KCNMA1: variants seen among roughly 807,000 people sequenced by gnomAD.
KCNMA1 encodes potassium calcium-activated channel subfamily M alpha 1, also known as Calcium-activated potassium channel subunit alpha-1.
Under a neutral mutation model 140.0 loss-of-function variants are expected in KCNMA1, and 29 were observed. That is an observed-to-expected ratio of 0.21 (90% CI 0.15 to 0.28). The LOEUF (loss-of-function observed/expected upper bound fraction) is 0.28. Among genes scored for constraint, KCNMA1 ranks in the 10% least tolerant of loss-of-function variants. KCNMA1 has a pLI of 1.00. For synonymous variants in KCNMA1, 612 were observed against 611.9 expected, an observed-to-expected ratio of 1.00 and a Z score of 0.00; for missense variants, 880 against 1,602.2, an observed-to-expected ratio of 0.55 and a Z score of 7.70.
chr10:77,494,108 C>T (rs530138379), intron 1 of KCNMA1, among the ~76,000 whole-genome samples: 39 of 152,320 alleles, frequency 2.6e-4, no homozygotes, highest in African/African-American at 9.1e-4. Flanking sequence ...AACCGCAACA[C>T]AGGGCTGGGT....
At chr10:77,174,017 G>A (rs1260254684) in intron 5 of KCNMA1, among the ~76,000 whole-genome samples, 1 of 152,110 alleles carries the variant, frequency 6.6e-6, no homozygotes, top group African/African-American at 2.4e-5. Context: ...CTCTCCCCTT[G>A]CTACTTAATT....
intron 2 of KCNMA1, among the ~76,000 whole-genome samples, chr10:77,287,421 T>C (rs570132162): frequency 6.6e-6 from 1 of 152,320 alleles, no homozygotes; most frequent in South Asian, 2.1e-4. Flanking sequence ...TCCTGTTGCA[T>C]TCACTTTAGC....
chr10:77,165,786 T>A (rs1206879765), intron 5 of KCNMA1, among the ~76,000 whole-genome samples: 2 of 152,230 alleles, frequency 1.3e-5, no homozygotes. Context: ...TTTGGACCCT[T>A]TGGGAGTCTT....
intron 18 of KCNMA1, among the ~76,000 whole-genome samples, chr10:77,006,448 C>T (rs2088683223): frequency 1.3e-5 from 2 of 152,252 alleles, no homozygotes; most frequent in South Asian, 2.1e-4. Flanking sequence ...AAAATATCCA[C>T]GGAAGAAAAA....
chr10:77,506,605 G>A (rs2046027301), intron 1 of KCNMA1, among the ~76,000 whole-genome samples: 1 of 144,472 alleles, frequency 6.9e-6, no homozygotes, highest in Non-Finnish European at 1.5e-5. Context: ...GAGTGTGTGT[G>A]TGTGTGTGTG....
intron 5 of KCNMA1, among the ~76,000 whole-genome samples, chr10:77,125,515 A>G (rs2097712676): frequency 1.3e-5 from 2 of 152,176 alleles, no homozygotes; most frequent in Admixed American, 1.3e-4. Context: ...TTCTTACTCA[A>G]TGTCCCTTGA....
At chr10:77,204,068 C>T (rs2043269448) in intron 3 of KCNMA1, among the ~76,000 whole-genome samples, 1 of 150,698 alleles carries the variant, frequency 6.6e-6, no homozygotes, top group African/African-American at 2.4e-5. Flanking sequence ...TGCATTCCAG[C>T]CTGGGGGACA....
At chr10:77,378,019 A>G (rs1284473684) in intron 2 of KCNMA1, among the ~76,000 whole-genome samples, 2 of 152,340 alleles carry the variant, frequency 1.3e-5, no homozygotes, top group South Asian at 2.1e-4. Context: ...CTAGGGATAC[A>G]AAGACAGAGG....
chr10:77,316,753 A>G (rs2080995840), intron 2 of KCNMA1, among the ~76,000 whole-genome samples: 1 of 152,198 alleles, frequency 6.6e-6, no homozygotes, highest in African/African-American at 2.4e-5. Context: ...AAGCACCAAG[A>G]GGATCTTTCT....
intron 3 of KCNMA1, among the ~76,000 whole-genome samples, chr10:77,226,764 A>G (rs949619994): frequency 6.6e-6 from 1 of 152,132 alleles, no homozygotes; most frequent in East Asian, 1.9e-4. Flanking sequence ...GGAATCAATC[A>G]TAACTGCTCT....
chr10:77,191,201 A>C (rs2098935553), intron 3 of KCNMA1, among the ~76,000 whole-genome samples: 1 of 152,198 alleles, frequency 6.6e-6, no homozygotes. Context: ...TAATTTTAAA[A>C]GGAGGCAAGT....
chr10:77,533,755 C>A (rs1463342831), intron 1 of KCNMA1, among the ~76,000 whole-genome samples: 2 of 152,224 alleles, frequency 1.3e-5, no homozygotes, highest in Admixed American at 1.3e-4. Flanking sequence ...TGGGAGAGAA[C>A]TGCCTGTTGC....
chr10:77,635,301 TG>T (rs2093630480), intron 1 of KCNMA1: 1 of 152,234 alleles, frequency 6.6e-6, no homozygotes, highest in African/African-American at 2.4e-5. Flanking sequence ...CTTTGGAAGC[TG>T]TGTTTAGGAC....
At chr10:77,226,637 A>G (rs1445619569) in intron 3 of KCNMA1, among the ~76,000 whole-genome samples, 1 of 152,096 alleles carries the variant, frequency 6.6e-6, no homozygotes. Context: ...CTCATTTCAA[A>G]CCCTTCCCAG....
intron 19 of KCNMA1, chr10:76,974,527 G>A (rs1015506143): frequency 5.8e-6 from 9 of 1,550,040 alleles, no homozygotes; most frequent in Non-Finnish European, 7.0e-6. Flanking sequence ...TCTCCTTCTT[G>A]AACTCAAATG....
At chr10:77,270,927 T>A (rs2064949938) in intron 2 of KCNMA1, among the ~76,000 whole-genome samples, 1 of 152,200 alleles carries the variant, frequency 6.6e-6, no homozygotes, top group Non-Finnish European at 1.5e-5. Flanking sequence ...CATATAATAT[T>A]AGTGTGTAAA....
At chr10:76,878,948 A>G (rs2033371521) in intron 29 of KCNMA1, among the ~76,000 whole-genome samples, 2 of 152,266 alleles carry the variant, frequency 1.3e-5, no homozygotes, top group Non-Finnish European at 2.9e-5. Context: ...AAAAAGAAAA[A>G]GGGTAAAAGC....
intron 5 of KCNMA1, among the ~76,000 whole-genome samples, chr10:77,166,265 C>T (rs2098641103): frequency 6.6e-6 from 1 of 152,088 alleles, no homozygotes. Context: ...CACTTCTGAC[C>T]CAGTTTGTAA....
chr10:77,483,354 T>C (rs1281999438), intron 1 of KCNMA1, among the ~76,000 whole-genome samples: 1 of 152,216 alleles, frequency 6.6e-6, no homozygotes, highest in East Asian at 1.9e-4. Flanking sequence ...CCAGCTCCTT[T>C]TTCCTGCCAT....
Sources: gnomAD v4.1 joint callset for allele counts (sites outside exome capture counted in the v4.1 genomes callset) on GRCh38, gnomAD v4.1.1 for gene constraint, MANE v1.5 for transcripts, NCBI Gene and HGNC (gene_info 2026-07-23, HGNC 2026-07-21) for gene names.